Variants in LIMCH1 observed in about 807,000 individuals in gnomAD.
The protein encoded by LIMCH1 is LIM and calponin homology domains 1.
A neutral mutation model predicts 176.5 loss-of-function variants in LIMCH1; 113 were observed. The observed-to-expected ratio is 0.64, with a 90% CI of 0.55 to 0.75. The LOEUF (loss-of-function observed/expected upper bound fraction) is 0.75, where lower values mean the gene tolerates loss of function less well. Ranked by LOEUF, LIMCH1 falls within the 30% of genes least tolerant of loss-of-function variation. The pLI is 0.00. For synonymous variants in LIMCH1, 619 were observed against 645.9 expected (o/e 0.96, Z 0.63); for missense variants, 1,674 against 1,814.9 (o/e 0.92, Z 1.41).
At chr4:41,693,986 C>A (rs1048898628) in intron 31 of LIMCH1, among the ~76,000 whole-genome samples, 2 of 152,072 alleles carry the variant, frequency 1.3e-5, no homozygotes, top group African/African-American at 4.8e-5. Context: ...GATTCTTTGT[C>A]ATTTCTTTTG....
rs1219467971 is a variant in LIMCH1 at position 41,646,191 on chromosome 4, G to GA, written c.2329dup (p.Met777AsnfsTer13). ...ACTTAATCAAGAAAGAGGAAGAAAG[G>GA]AAAAAAATGGAGAAGTTACTGGCTG... is the stretch of plus-strand genomic sequence containing the variant. On this transcript the variant is annotated frameshift_variant, in exon 16 of 32. Transcript: ENST00000503057. LOFTEE classifies it high-confidence loss of function. 1.2e-6 allele frequency: 2 copies of GA among 1,613,434 alleles called. No homozygotes were observed. The highest frequency in any genetic ancestry group is 2.2e-5 in the East Asian group (1 of 44,884).
chr4:41,542,605 G>A (rs1467919314), intron 1 of LIMCH1, among the ~76,000 whole-genome samples: 2 of 152,164 alleles, frequency 1.3e-5, no homozygotes, highest in Non-Finnish European at 2.9e-5. Flanking sequence ...TAAATAGGCT[G>A]TGCTATTTCC....
At chr4:41,451,616 A>G (rs2063896298) in intron 1 of LIMCH1, among the ~76,000 whole-genome samples, 1 of 152,116 alleles carries the variant, frequency 6.6e-6, no homozygotes, top group African/African-American at 2.4e-5. Flanking sequence ...TATTGTGCAA[A>G]CACTCAACAT....
chr4:41,508,110 GT>G (rs1419820730), intron 2 of LIMCH1, among the ~76,000 whole-genome samples: 1 of 152,178 alleles, frequency 6.6e-6, no homozygotes, highest in Non-Finnish European at 1.5e-5. Context: ...AGGTAGACTT[GT>G]TTGGCCAAAA....
intron 12 of LIMCH1, among the ~76,000 whole-genome samples, chr4:41,633,340 A>G (rs924701222): frequency 5.3e-5 from 8 of 152,170 alleles, no homozygotes; most frequent in African/African-American, 1.7e-4. Flanking sequence ...GAAAACCAGA[A>G]AGGGACCCCC....
intron 1 of LIMCH1, among the ~76,000 whole-genome samples, chr4:41,560,093 C>T (rs543938115): frequency 2.2e-4 from 33 of 152,272 alleles, no homozygotes; most frequent in South Asian, 8.3e-4. Flanking sequence ...ACAACCCGTT[C>T]CTCCATCTGC....
intron 1 of LIMCH1, among the ~76,000 whole-genome samples, chr4:41,376,935 A>C (rs2054855541): frequency 6.6e-6 from 1 of 152,306 alleles, no homozygotes; most frequent in Admixed American, 6.5e-5. Context: ...TTTAATTATA[A>C]AAGGGTGAAT....
intron 3 of LIMCH1, among the ~76,000 whole-genome samples, chr4:41,529,793 C>A (rs1488280171): frequency 6.6e-6 from 1 of 152,118 alleles, no homozygotes; most frequent in East Asian, 1.9e-4. Context: ...TACAAAATAT[C>A]TTTCTGAGCT....
chr4:41,445,496 C>T (rs1357051983), intron 1 of LIMCH1, among the ~76,000 whole-genome samples: 1 of 152,170 alleles, frequency 6.6e-6, no homozygotes, highest in Non-Finnish European at 1.5e-5. Context: ...ATCATAGGCA[C>T]CTGTGGAATT....
upstream of LIMCH1, among the ~76,000 whole-genome samples, chr4:41,535,411 T>C (rs1045910937): frequency 1.3e-5 from 2 of 152,156 alleles, no homozygotes; most frequent in Non-Finnish European, 2.9e-5. Context: ...GATCAAGGTG[T>C]GATCAGAGTG....
intron 27 of LIMCH1, 46 bp downstream of exon 27, chr4:41,684,564 A>G: frequency 6.2e-7 from 1 of 1,604,176 alleles, no homozygotes; most frequent in Non-Finnish European, 8.5e-7. Context: ...AAATTGTTGT[A>G]AGACCCCCAC....
intron 7 of LIMCH1, among the ~76,000 whole-genome samples, chr4:41,621,035 A>G (rs2152825645): frequency 6.6e-6 from 1 of 152,200 alleles, no homozygotes; most frequent in East Asian, 1.9e-4. Context: ...TTTTCATGCT[A>G]CTCCTAAATG....
chr4:41,686,544 A>G (rs1457890097), intron 28 of LIMCH1, among the ~76,000 whole-genome samples: 1 of 152,236 alleles, frequency 6.6e-6, no homozygotes, highest in Admixed American at 6.5e-5. Flanking sequence ...TTAAAATGTT[A>G]ACATTCATAG....
intron 2 of LIMCH1, among the ~76,000 whole-genome samples, chr4:41,503,374 AGGAAAGTTGCTCAAGT>A (rs1368113339): frequency 6.6e-6 from 1 of 152,062 alleles, no homozygotes; most frequent in East Asian, 1.9e-4. Flanking sequence ...AGAGTTGGGG[AGGAAAGTTGCTCAAGT>A]GGAAATTAAG....
intron 1 of LIMCH1, among the ~76,000 whole-genome samples, chr4:41,563,216 A>G (rs578007691): frequency 6.6e-6 from 1 of 152,134 alleles, no homozygotes; most frequent in Non-Finnish European, 1.5e-5. Context: ...TCCCATACTC[A>G]GTTTCTTTGA....
At chr4:41,553,072 G>A (rs2080726364) in intron 1 of LIMCH1, among the ~76,000 whole-genome samples, 3 of 152,172 alleles carry the variant, frequency 2.0e-5, no homozygotes, top group Admixed American at 2.0e-4. Flanking sequence ...AGCCTTCCAG[G>A]CGCTACAAGA....
chr4:41,400,516 T>C (rs1242177716), intron 1 of LIMCH1, among the ~76,000 whole-genome samples: 1 of 152,184 alleles, frequency 6.6e-6, no homozygotes, highest in Non-Finnish European at 1.5e-5. Context: ...ATGTAGGGAA[T>C]TTTTCTGTTT....
chr4:41,560,386 C>G (rs2081911072), intron 1 of LIMCH1, among the ~76,000 whole-genome samples: 1 of 152,164 alleles, frequency 6.6e-6, no homozygotes, highest in Non-Finnish European at 1.5e-5. Context: ...CTTTCAGGGC[C>G]ACACAAGTCT....
chr4:41,504,494 G>C (rs927065635), intron 2 of LIMCH1, among the ~76,000 whole-genome samples: 1 of 152,188 alleles, frequency 6.6e-6, no homozygotes, highest in African/African-American at 2.4e-5. Context: ...CACCTCCTCT[G>C]CCCTGCTCAC....
Sources: gnomAD v4.1 joint callset for allele counts (sites outside exome capture counted in the v4.1 genomes callset) on GRCh38, gnomAD v4.1.1 for gene constraint, MANE v1.5 for transcripts, NCBI Gene and HGNC (gene_info 2026-07-23, HGNC 2026-07-21) for gene names.